Variants in VAMP4 observed in about 807,000 individuals in gnomAD.
VAMP4 encodes the protein vesicle associated membrane protein 4.
In VAMP4, 19 loss-of-function variants were observed where a neutral mutation model predicts 23.5. The observed-to-expected ratio is 0.81, with a 90% CI of 0.56 to 1.19. The LOEUF is 1.19. Ranked by LOEUF, VAMP4 falls within the 50% of genes most tolerant of loss-of-function variation. VAMP4 has a pLI of 0.00. For synonymous variants in VAMP4, 31 were observed against 51.0 expected, an observed-to-expected ratio of 0.61 and a Z score of 1.67; for missense variants, 145 against 168.6, an observed-to-expected ratio of 0.86 and a Z score of 0.78.
At chr1:171,710,885 A>G in intron 4 of VAMP4, 71 bp from the exon 5 acceptor site, 1 of 1,127,622 alleles carries the variant, frequency 8.9e-7, no homozygotes, top group East Asian at 2.5e-5. Context: ...AACTTTCATT[A>G]GACATAATAA....
At chr1:171,721,779 T>C (rs939006582) in intron 3 of VAMP4, among the ~76,000 whole-genome samples, 1 of 152,118 alleles carries the variant, frequency 6.6e-6, no homozygotes, top group Non-Finnish European at 1.5e-5. Flanking sequence ...GGAAGAACAT[T>C]CCATGCTCAT....
At chr1:171,733,255 C>T (rs1010017836) in intron 2 of VAMP4, among the ~76,000 whole-genome samples, 5 of 128,224 alleles carry the variant, frequency 3.9e-5, no homozygotes, top group Admixed American at 9.8e-5. Context: ...CCCCGGAGTT[C>T]GAAACCAGCC....
intron 2 of VAMP4, among the ~76,000 whole-genome samples, chr1:171,733,400 T>G (rs1176654996): frequency 1.3e-5 from 2 of 151,658 alleles, no homozygotes; most frequent in African/African-American, 4.9e-5. Context: ...AGGAGGAGGC[T>G]GCAGAACCCT....
intron 1 of VAMP4, among the ~76,000 whole-genome samples, chr1:171,740,705 T>C (rs1333072602): frequency 6.6e-6 from 1 of 152,138 alleles, no homozygotes; most frequent in Non-Finnish European, 1.5e-5. Flanking sequence ...TGCTTTTAAC[T>C]ATTATCTGTA....
At chr1:171,729,588 A>G (rs140643564) in intron 2 of VAMP4, among the ~76,000 whole-genome samples, 8 of 152,230 alleles carry the variant, frequency 5.3e-5, no homozygotes, top group African/African-American at 1.9e-4. Flanking sequence ...AGGGATGCTC[A>G]AACTGTACCA....
intron 2 of VAMP4, among the ~76,000 whole-genome samples, chr1:171,735,953 C>T (rs1254959537): frequency 6.6e-6 from 1 of 152,094 alleles, no homozygotes; most frequent in Non-Finnish European, 1.5e-5. Context: ...ATGGCACAAT[C>T]TCGGCTCACT....
chr1:171,710,821 TAAAA>T lies in VAMP4; in HGVS notation c.165-11_165-8del. 1 of 1,560,258 alleles carries T rather than the reference TAAAA, an allele frequency of 6.4e-7. No homozygotes were observed. Among genetic ancestry groups the T allele is most frequent in the Non-Finnish European group, 8.7e-7 (1 of 1,144,212 alleles). On this transcript the variant is annotated splice_polypyrimidine_tract_variant and splice_region_variant and intron_variant, in intron 4 of 7. Coordinates refer to ENST00000236192, the MANE Select transcript of VAMP4 (RefSeq NM_003762.5). ...ATCCACTTGATTCTGAACACTAGTT[TAAAA>T]AAGATACACAATTATTTATCCTTCT...
intron 3 of VAMP4, among the ~76,000 whole-genome samples, chr1:171,720,498 GA>G (rs142727123): frequency 1.3e-5 from 2 of 151,544 alleles, no homozygotes; most frequent in Non-Finnish European, 2.9e-5. Context: ...GACTGATTAG[GA>G]AAAAAAGAAA....
intron 2 of VAMP4, among the ~76,000 whole-genome samples, chr1:171,736,860 T>A (rs1333444941): frequency 2.6e-5 from 4 of 152,044 alleles, no homozygotes; most frequent in African/African-American, 9.7e-5. Flanking sequence ...ACCTGTAGTC[T>A]TTGCTACTCA....
intron 2 of VAMP4, among the ~76,000 whole-genome samples, chr1:171,731,020 T>C (rs888629543): frequency 2.7e-5 from 4 of 149,078 alleles, no homozygotes; most frequent in African/African-American, 7.5e-5. Flanking sequence ...CTGGCTAACA[T>C]GGTGAAACTC....
At chr1:171,706,448 A>G in intron 6 of VAMP4, 30 bp from the exon 7 acceptor site, 1 of 1,585,670 alleles carries the variant, frequency 6.3e-7, no homozygotes, top group South Asian at 1.2e-5. Flanking sequence ...ATATATATTA[A>G]TATTTGACTT....
chr1:171,718,295 T>C (rs1337249785), intron 4 of VAMP4, among the ~76,000 whole-genome samples: 1 of 152,206 alleles, frequency 6.6e-6, no homozygotes, highest in South Asian at 2.1e-4. Context: ...TACTTCATTA[T>C]AGAACCCTTC....
At chr1:171,735,346 A>G (rs1655708636) in intron 2 of VAMP4, among the ~76,000 whole-genome samples, 1 of 152,250 alleles carries the variant, frequency 6.6e-6, no homozygotes, top group African/African-American at 2.4e-5. Context: ...CATACTATAC[A>G]TTGAATTTGG....
rs1468215519 is a variant in VAMP4 at position 171,703,548 on chromosome 1, G to A, written c.*958C>T. On this transcript the variant is annotated 3_prime_UTR_variant, in exon 8 of 8. Coordinates refer to ENST00000236192, the MANE Select transcript of VAMP4 (RefSeq NM_003762.5). Reference sequence around the variant, plus strand: ...GATTGTGCAACATACATCTCCTCAAGGATGAACAGGAAATGCAAAGATATA... The same window carrying A: ...GATTGTGCAACATACATCTCCTCAAAGATGAACAGGAAATGCAAAGATATA... 6.7e-6 allele frequency: 1 copy of A among 148,416 alleles called. No individual in the cohort carries two copies. The highest frequency in any genetic ancestry group is 1.5e-5 in the Non-Finnish European group (1 of 67,078). 9.2% of individuals were successfully genotyped at this position (148,416 alleles called of 1,614,324 possible).
In VAMP4 at chr1:171,710,701, T is replaced by G; in HGVS notation, c.265+13A>C. ...CAGATTAGTAATATCAAGAAATACA[T>G]GAAGATCTGTACCTGATTTGTCCTG... On this transcript the variant is annotated intron_variant, in intron 5 of 7. Coordinates refer to ENST00000236192, the MANE Select transcript of VAMP4 (RefSeq NM_003762.5). The G allele has an allele frequency of 1.9e-6, 3 of 1,563,336 alleles. No homozygotes were observed. The highest frequency in any genetic ancestry group is 2.6e-6 in the Non-Finnish European group (3 of 1,144,892).
Position 171,710,780 on chromosome 1 carries a change from T to A in VAMP4, c.199A>T (p.Met67Leu). Reference sequence around the variant, plus strand: ...ATTACCTTTGTAATATTTTCTTGCATGACATCAATAACTTCATCCACTTGA... The same window carrying A: ...ATTACCTTTGTAATATTTTCTTGCAAGACATCAATAACTTCATCCACTTGA... The part of the protein sequence containing the change: ...QNQVDEVIDV[M>L]QENITKVIER... The change falls in exon 5 of 8, where the codon ATG becomes TTG. Residue 67 changes from methionine to leucine, a missense_variant. Met to Leu is a conservative substitution (Grantham distance 15). Coordinates refer to ENST00000236192, the MANE Select transcript of VAMP4 (RefSeq NM_003762.5). 1 of 1,609,958 alleles carries A rather than the reference T, an allele frequency of 6.2e-7. No individual in the cohort carries two copies. Among genetic ancestry groups the A allele is most frequent in the Non-Finnish European group, 8.5e-7 (1 of 1,178,044 alleles).
At position 171,701,394 on chromosome 1, in the gene VAMP4, T is replaced by A. The variant is rs564546501; in HGVS notation, c.*3112A>T. The A allele has an allele frequency of 1.6e-4, 25 of 152,318 alleles. No homozygotes were observed. Among genetic ancestry groups the A allele is most frequent in the African/African-American group, 6.0e-4 (25 of 41,572 alleles). 9.4% of individuals were successfully genotyped at this position (152,318 alleles called of 1,614,324 possible). A position where few individuals can be genotyped will look rare whatever the true frequency, so the allele number is the denominator to read the frequency against. On this transcript the variant is annotated 3_prime_UTR_variant, in exon 8 of 8. Transcript: ENST00000236192. ...TTTCTAATCATAGTGTATATACAGA[T>A]GTAAATACAGAGTCAATGTGTGCAA...
At chr1:171,705,288 G>A (rs550035129) in intron 7 of VAMP4, among the ~76,000 whole-genome samples, 2 of 152,216 alleles carry the variant, frequency 1.3e-5, no homozygotes, top group South Asian at 4.1e-4. Flanking sequence ...TGCCTAATGT[G>A]TATTTTTTCC....
At chr1:171,733,196 G>A (rs1284398971) in intron 2 of VAMP4, among the ~76,000 whole-genome samples, 2 of 148,352 alleles carry the variant, frequency 1.3e-5, no homozygotes, top group East Asian at 2.0e-4. Context: ...GGTGGCTCAC[G>A]CCTGTAACCC....
Sources: gnomAD v4.1 joint callset for allele counts (sites outside exome capture counted in the v4.1 genomes callset) on GRCh38, gnomAD v4.1.1 for gene constraint, MANE v1.5 for transcripts, NCBI Gene and HGNC (gene_info 2026-07-23, HGNC 2026-07-21) for gene names.